Variants in HAPLN4 observed in about 807,000 individuals in gnomAD.
HAPLN4 encodes the protein brain link protein 2.
A neutral mutation model predicts 28.0 loss-of-function variants in HAPLN4; 19 were observed. That is an observed-to-expected ratio of 0.68 (90% confidence interval 0.47 to 1.00). The LOEUF (loss-of-function observed/expected upper bound fraction) is 1.00. HAPLN4 is among the 50% of genes least tolerant of loss of function. The probability of loss-of-function intolerance (pLI) is 0.00; values close to 1 mark genes in which losing one functional copy is unlikely to be tolerated. For synonymous variants in HAPLN4, 274 were observed against 273.0 expected (o/e 1.00, Z -0.03); for missense variants, 587 against 602.6 (o/e 0.97, Z 0.27).
chr19:19,261,617 A>T, intron 1 of HAPLN4, 54 bp from the exon 2 acceptor site: 11 of 1,231,672 alleles, frequency 8.9e-6, no homozygotes, highest in Non-Finnish European at 1.2e-5. Flanking sequence ...GGCTTTTCGG[A>T]GGCCTGGCTC....
At position 19,258,214 on chromosome 19, in the gene HAPLN4, G is replaced by T. The variant is rs1363961477; in HGVS notation, c.818-6C>A. The T allele has an allele frequency of 6.8e-7, 1 of 1,477,274 alleles. No homozygotes were observed. Among genetic ancestry groups the T allele is most frequent in the Non-Finnish European group, 9.0e-7 (1 of 1,115,202 alleles). The allele number at this position is 1,477,274 out of a possible 1,614,324, so 91.5% of individuals were successfully genotyped here. ...CTTCAGGAAGAACACGCGCCCTGCG[G>T]GGGTGAGGTGGGGGGTGGGTTATTA... On this transcript the variant is annotated splice_polypyrimidine_tract_variant and splice_region_variant and intron_variant, in intron 4 of 4. Coordinates refer to ENST00000291481, the MANE Select transcript of HAPLN4 (RefSeq NM_023002.3). This position sits in a 1 kb window ranked among gnomAD's most constrained non-coding sequence, Gnocchi z 6.2.
chr19:19,258,377 T>C lies in HAPLN4; in HGVS notation c.817+146A>G, dbSNP rs907649409. The C allele has an allele frequency of 2.2e-5, 24 of 1,091,138 alleles. No homozygotes were observed. The highest frequency in any genetic ancestry group is 3.0e-5 in the Non-Finnish European group (23 of 773,848). The allele number at this position is 1,091,138 out of a possible 1,614,324, so 67.6% of individuals were successfully genotyped here. On this transcript the variant is annotated intron_variant, in intron 4 of 4. Coordinates refer to ENST00000291481, the MANE Select transcript of HAPLN4 (RefSeq NM_023002.3). The surrounding 1 kb of genome is among the most constrained non-coding windows in gnomAD (Gnocchi z 6.2). The stretch of plus-strand genomic sequence containing the variant: ...GACCCCAGCCTAGGCCCAACCAGCG[T>C]TGGTACCAGGCGGTGTGTGCTGCGC...
rs2060975539 is a variant in HAPLN4 at position 19,258,998 on chromosome 19, C to T, written c.485-143G>A. ...GCCTCAGACCTGACCACGATCCTCC[C>T]CAGCTCACACCCCATATAGCTGTCT... On this transcript the variant is annotated intron_variant, in intron 3 of 4. Transcript: ENST00000291481. The surrounding 1 kb of genome is among the most constrained non-coding windows in gnomAD (Gnocchi z 6.2). 1 of 630,164 alleles carries T rather than the reference C, an allele frequency of 1.6e-6. No individual in the cohort carries two copies. The highest frequency in any genetic ancestry group is 2.7e-6 in the Non-Finnish European group (1 of 373,802). 39.0% of individuals were successfully genotyped at this position (630,164 alleles called of 1,614,324 possible). A position where few individuals can be genotyped will look rare whatever the true frequency, so the allele number is the denominator to read the frequency against.
intron 1 of HAPLN4, chr19:19,261,788 C>G: frequency 4.2e-6 from 2 of 473,634 alleles, no homozygotes; most frequent in Middle Eastern, 5.5e-4. Flanking sequence ...CAGTCCTGCC[C>G]CAGATCCCGC....
chr19:19,261,390 C>T, intron 2 of HAPLN4, 56 bp downstream of exon 2: 1 of 1,487,884 alleles, frequency 6.7e-7, no homozygotes, highest in Non-Finnish European at 9.4e-7. Flanking sequence ...CCCCTCTCCG[C>T]ACTTGGCCAC....
rs575373259 is a variant in HAPLN4 at position 19,255,498 on chromosome 19, T to C, written c.*2319A>G. 5.3e-5 allele frequency: 8 copies of C among 152,106 alleles called. No homozygotes were observed. The highest frequency in any genetic ancestry group is 1.9e-4 in the African/African-American group (8 of 41,458). 9.4% of individuals were successfully genotyped at this position (152,106 alleles called of 1,614,324 possible). Reference sequence around the variant, plus strand: ...AGGCAGAGGTTGCAGTGAGCCAAGATTGCACGACTGCACTCCAGCCTGGGC... The same window carrying C: ...AGGCAGAGGTTGCAGTGAGCCAAGACTGCACGACTGCACTCCAGCCTGGGC... On this transcript the variant is annotated 3_prime_UTR_variant, in exon 5 of 5. Transcript: ENST00000291481.
In HAPLN4 at chr19:19,258,689, G is replaced by C. The variant is rs763167040; in HGVS notation, c.651C>G (p.Gly217=). 6.2e-7 allele frequency: 1 copy of C among 1,607,852 alleles called. No homozygotes were observed. The highest frequency in any genetic ancestry group is 1.1e-5 in the South Asian group (1 of 90,664). ...GCCGGTTCACGGGGTATTGCACTGA[G>C]CCGTCGCGCAACCAGCCCGCGTTGC... is the stretch of plus-strand genomic sequence containing the variant. ...DWCNAGWLRD[G]SVQYPVNRPR... is the part of the protein sequence containing the mutation. Residue 217 remains glycine, a synonymous_variant, in exon 4 of 5, where the codon GGC becomes GGG. Transcript: ENST00000291481. This position sits in a 1 kb window ranked among gnomAD's most constrained non-coding sequence, Gnocchi z 6.2.
In HAPLN4 at chr19:19,258,584, G is replaced by A. The variant is rs200071705; in HGVS notation, c.756C>T (p.Tyr252=). Residue 252 remains tyrosine, a synonymous_variant, in exon 4 of 5, where the codon TAC becomes TAT. Transcript: ENST00000291481. The surrounding 1 kb of genome is among the most constrained non-coding windows in gnomAD (Gnocchi z 6.2). ...GGDANGGLRN[Y]GYRHNAEERY... ...GTTCCTCGGCGTTATGGCGATACCC[G>A]TAGTTGCGCAGGCCCCCGTTGGCAT... 15 of 1,613,690 alleles carry A rather than the reference G, an allele frequency of 9.3e-6. No individual in the cohort carries two copies. Among genetic ancestry groups the A allele is most frequent in the African/African-American group, 4.0e-5 (3 of 75,008 alleles).
In HAPLN4 at chr19:19,261,542, C is replaced by G. The variant is rs1342680681; in HGVS notation, c.25G>C (p.Gly9Arg). Residue 9 changes from glycine (G) to arginine (R), a missense_variant, in exon 2 of 5, where the codon GGT (glycine) becomes CGT (arginine). Gly to Arg is a moderately radical substitution (Grantham distance 125). Coordinates refer to ENST00000291481, the MANE Select transcript of HAPLN4 (RefSeq NM_023002.3). MVCARAAL[G>R]PGALWAAAWG... The stretch of plus-strand genomic sequence containing the variant: ...GCCGCGGCCCAGAGCGCGCCGGGAC[C>G]GAGGGCCGCCCGAGCGCACACCTGG... 1 of 1,571,642 alleles carries G rather than the reference C, an allele frequency of 6.4e-7. No homozygotes were observed. Among genetic ancestry groups the G allele is most frequent in the Admixed American group, 1.9e-5 (1 of 52,824 alleles).
In HAPLN4 at chr19:19,261,137, C is replaced by A; in HGVS notation, c.160G>T (p.Gly54Trp). Residue 54 changes from glycine (G) to tryptophan (W), a missense_variant, in exon 3 of 5, where the codon GGG (glycine) becomes TGG (tryptophan). Transcript: ENST00000291481. ...CCACCACGGTGGCTTACCACCTGCC[C>A]AGGCGCTGTCTGTACCACTACCGAG... ...SGSVVVQTAP[G>W]QVVSHRGGTI... The A allele has an allele frequency of 6.2e-7, 1 of 1,609,006 alleles. No individual in the cohort carries two copies. Among genetic ancestry groups the A allele is most frequent in the Admixed American group, 1.7e-5 (1 of 59,930 alleles).
chr19:19,260,405 T>C (rs948932545), intron 3 of HAPLN4, among the ~76,000 whole-genome samples: 4 of 151,948 alleles, frequency 2.6e-5, no homozygotes, highest in Non-Finnish European at 5.9e-5. Flanking sequence ...TTACTAGAGA[T>C]GGGGTTTTGG....
At chr19:19,259,411 T>C (rs2060976621) in intron 3 of HAPLN4, among the ~76,000 whole-genome samples, 2 of 152,332 alleles carry the variant, frequency 1.3e-5, no homozygotes, top group African/African-American at 4.8e-5. Flanking sequence ...TTGTCCCTCA[T>C]TGGACTCACA....
chr19:19,258,145 G>C lies in HAPLN4; in HGVS notation c.881C>G (p.Ala294Gly). 6.5e-7 allele frequency: 1 copy of C among 1,545,384 alleles called. No individual in the cohort carries two copies. The highest frequency in any genetic ancestry group is 8.7e-7 in the Non-Finnish European group (1 of 1,152,782). ...CTTGGCCACGGCCGCGCCACGCGCA[G>C]CACACGCGCGCGCAGCTCCGGAGAA... ...VPFSGAARAC[A>G]ARGAAVAKVG... The change falls in exon 5 of 5, where the codon GCT becomes GGT. Residue 294 changes from alanine (A) to glycine (G), a missense_variant. Coordinates refer to ENST00000291481, the MANE Select transcript of HAPLN4 (RefSeq NM_023002.3). This position sits in a 1 kb window ranked among gnomAD's most constrained non-coding sequence, Gnocchi z 6.2.
At position 19,258,054 on chromosome 19, in the gene HAPLN4, G is replaced by C. The variant is rs759165270; in HGVS notation, c.972C>G (p.Ala324=). 8 of 1,550,834 alleles carry C rather than the reference G, an allele frequency of 5.2e-6. No individual in the cohort carries two copies. The highest frequency in any genetic ancestry group is 1.7e-4 in the Middle Eastern group (1 of 5,892). The change falls in exon 5 of 5, where the codon GCC becomes GCG. Residue 324 remains alanine (A), a synonymous_variant. Coordinates refer to ENST00000291481, the MANE Select transcript of HAPLN4 (RefSeq NM_023002.3). The surrounding 1 kb of genome is among the most constrained non-coding windows in gnomAD (Gnocchi z 6.2). ...CGATGGGGTAGCGCGCACTGCCATC[G>C]GCCAGCCAACCCGCGGTGCAGCGGT... is the stretch of plus-strand genomic sequence containing the variant. The part of the protein sequence containing the change: ...LLDRCTAGWL[A]DGSARYPIVN...
At position 19,261,113 on chromosome 19, in the gene HAPLN4, C is replaced by T. The variant is rs750574772; in HGVS notation, c.184G>A (p.Gly62Ser). The T allele has an allele frequency of 4.3e-6, 7 of 1,611,712 alleles. No individual in the cohort carries two copies. The Admixed American group carries it at 8.3e-5, about 19-fold the overall frequency. ...TAGCGGCAGGGCAAGACGATGGTGCCACCACGGTGGCTTACCACCTGCCCA... is the reference window on the plus strand; with the variant it reads ...TAGCGGCAGGGCAAGACGATGGTGCTACCACGGTGGCTTACCACCTGCCCA... ...APGQVVSHRG[G>S]TIVLPCRYHY... The change falls in exon 3 of 5, where the codon GGC becomes AGC. Residue 62 changes from glycine (G) to serine (S), a missense_variant. Coordinates refer to ENST00000291481, the MANE Select transcript of HAPLN4 (RefSeq NM_023002.3).
Position 19,261,059 on chromosome 19 carries a change from C to A in HAPLN4, c.238G>T (p.Asp80Tyr). 6.2e-7 allele frequency: 1 copy of A among 1,613,196 alleles called. No individual in the cohort carries two copies. The highest frequency in any genetic ancestry group is 8.5e-7 in the Non-Finnish European group (1 of 1,180,012). The change falls in exon 3 of 5, where the codon GAC (aspartate) becomes TAC (tyrosine). Residue 80 changes from aspartate to tyrosine, a missense_variant. Transcript: ENST00000291481. ...YHYEAAAHGH[D>Y]GVRLKWTKVV... ...TTTGTCCACTTGAGCCGGACGCCGT[C>A]GTGACCGTGGGCGGCTGCCTCATAG... is the stretch of plus-strand genomic sequence containing the variant.
In HAPLN4 at chr19:19,261,416, A is replaced by C. The variant is rs769210239; in HGVS notation, c.121+30T>G. 2.5e-6 allele frequency: 4 copies of C among 1,579,292 alleles called. No individual in the cohort carries two copies. In the Admixed American group the frequency reaches 5.0e-5, roughly 20 times the overall value. On this transcript the variant is annotated intron_variant, in intron 2 of 4. Transcript: ENST00000291481. ...ACTTGGCCACTTCTGCTTTTCGCGG[A>C]GAAGACCACTTTTAGCGGCCCTGAC...
At position 19,257,870 on chromosome 19, in the gene HAPLN4, C is replaced by G. The variant is rs1180407813; in HGVS notation, c.1156G>C (p.Gly386Arg). ...GWGWGWAGGG[G>R]WAGGARDPAA... ...GGATCGCGCGCGCCCCCTGCCCAGC[C>G]GCCGCCGCCCGCCCAGCCCCAGCCC... The change falls in exon 5 of 5, where the codon GGC (glycine) becomes CGC (arginine). Residue 386 changes from glycine to arginine, a missense_variant. Coordinates refer to ENST00000291481, the MANE Select transcript of HAPLN4 (RefSeq NM_023002.3). The G allele has an allele frequency of 1.4e-6, 2 of 1,431,234 alleles. No homozygotes were observed. The highest frequency in any genetic ancestry group is 3.1e-5 in the Admixed American group (1 of 32,582). 88.7% of individuals were successfully genotyped at this position (1,431,234 alleles called of 1,614,324 possible).
chr19:19,258,615 C>T lies in HAPLN4; in HGVS notation c.725G>A (p.Gly242Asp). Residue 242 changes from glycine (G) to aspartate (D), a missense_variant, in exon 4 of 5, where the codon GGC becomes GAC. Physicochemically the swap from Gly to Asp is moderately conservative, Grantham distance 94. Coordinates refer to ENST00000291481, the MANE Select transcript of HAPLN4 (RefSeq NM_023002.3). This position sits in a 1 kb window ranked among gnomAD's most constrained non-coding sequence, Gnocchi z 6.2. ...GCGCAGGCCCCCGTTGGCATCACCGCCGCCCCCTGCACTCCCGGTCCCCCC... is the reference window on the plus strand; with the variant it reads ...GCGCAGGCCCCCGTTGGCATCACCGTCGCCCCCTGCACTCCCGGTCCCCCC... ...GLGGTGSAGG[G>D]GDANGGLRNY... 1.9e-6 allele frequency: 3 copies of T among 1,613,262 alleles called. No individual in the cohort carries two copies. Among genetic ancestry groups the T allele is most frequent in the Non-Finnish European group, 2.5e-6 (3 of 1,179,722 alleles).
Sources: allele counts gnomAD v4.1 joint callset (sites outside exome capture counted in the v4.1 genomes callset), GRCh38; gene constraint gnomAD v4.1.1; non-coding constraint Gnocchi (gnomAD v3.1); transcripts MANE v1.5; gene names NCBI Gene and HGNC (gene_info 2026-07-23, HGNC 2026-07-21).